ACSM3: variants seen among roughly 807,000 people sequenced by gnomAD.
The protein encoded by ACSM3 is acyl-coenzyme A synthetase ACSM3, mitochondrial.
ACSM3 carries 61 observed loss-of-function variants against 74.1 expected under a neutral mutation model. The ratio of observed to expected loss-of-function variants is 0.82; its 90% CI spans 0.67 to 1.02. The LOEUF is 1.02. Among genes scored for constraint, ACSM3 ranks in the 50% least tolerant of loss-of-function variants. The probability of loss-of-function intolerance (pLI) is 0.00; values close to 1 mark genes in which losing one functional copy is unlikely to be tolerated. For synonymous variants in ACSM3, 213 were observed against 241.5 expected, an observed-to-expected ratio of 0.88 and a Z score of 1.09; for missense variants, 660 against 697.0, an observed-to-expected ratio of 0.95 and a Z score of 0.60.
At chr16:20,741,753 T>A (rs1381826605) in intron 1 of ACSM3, 2 of 1,559,864 alleles carry the variant, frequency 1.3e-6, no homozygotes, top group Admixed American at 1.9e-5. Flanking sequence ...GTGCGCAAAC[T>A]GAGAGGAAAG....
chr16:20,685,847 CA>C (rs1491230287), intron 1 of ACSM3, among the ~76,000 whole-genome samples: 1 of 91,032 alleles, frequency 1.1e-5, no homozygotes, highest in African/African-American at 4.3e-5. Flanking sequence ...AAAAAAAAAA[CA>C]AAAAACTTAT....
At chr16:20,690,217 AG>A (rs1367438269) in intron 1 of ACSM3, among the ~76,000 whole-genome samples, 1 of 152,178 alleles carries the variant, frequency 6.6e-6, no homozygotes, top group Non-Finnish European at 1.5e-5. Context: ...ATTCCATCTC[AG>A]GGGGATTCTC....
At chr16:20,747,014 C>T (rs1015909084) in intron 1 of ACSM3, among the ~76,000 whole-genome samples, 1 of 152,108 alleles carries the variant, frequency 6.6e-6, no homozygotes, top group African/African-American at 2.4e-5. Flanking sequence ...TTCCTTCCCA[C>T]TCCTTTGAGA....
chr16:20,792,839 G>C (rs567147221), intron 12 of ACSM3: 83 of 482,366 alleles, frequency 1.7e-4, no homozygotes, highest in Middle Eastern at 2.1e-3. Flanking sequence ...AATAACACAG[G>C]TGTCCTGAAA....
Position 20,775,827 on chromosome 16 carries a change from T to C in ACSM3, c.220-12T>C. The C allele has an allele frequency of 6.2e-7, 1 of 1,613,824 alleles. No homozygotes were observed. The highest frequency in any genetic ancestry group is 8.5e-7 in the Non-Finnish European group (1 of 1,179,736). On this transcript the variant is annotated splice_polypyrimidine_tract_variant and intron_variant, in intron 2 of 13. Coordinates refer to ENST00000289416, the MANE Select transcript of ACSM3 (RefSeq NM_005622.4). ...CAACCTTTAAATCAATGACTGGTTTTTCTTTCCTCAGGCTGGAAAGAAACC... is the reference window on the plus strand; with the variant it reads ...CAACCTTTAAATCAATGACTGGTTTCTCTTTCCTCAGGCTGGAAAGAAACC...
intron 12 of ACSM3, 26 bp downstream of exon 12, chr16:20,792,361 T>A (rs1359537543): frequency 6.2e-7 from 1 of 1,611,906 alleles, no homozygotes; most frequent in South Asian, 1.1e-5. Flanking sequence ...CATGTCAACT[T>A]TATAATTTGT....
chr16:20,758,052 G>A (rs1254931510), intron 3 of ACSM3, among the ~76,000 whole-genome samples: 2 of 151,868 alleles, frequency 1.3e-5, no homozygotes, highest in African/African-American at 4.8e-5. Flanking sequence ...TTTTATTGAG[G>A]ATTTTTGCAT....
chr16:20,770,251 A>G lies in ACSM3; in HGVS notation c.217A>G (p.Lys73Glu). ...CCTGGACCAATGGACTGATAAGGAA[A>G]AGGTATGGGGGGAGGGCCAGTCAGA... is the stretch of plus-strand genomic sequence containing the variant. Reference protein sequence around the residue: ...DVLDQWTDKEKAGKKPSNPAF... With the variant: ...DVLDQWTDKEEAGKKPSNPAF... The change falls in exon 2 of 14, where the codon AAG (lysine) becomes GAG (glutamate). Residue 73 changes from lysine (K) to glutamate (E), a missense_variant and splice_region_variant. Lys to Glu is a moderately conservative substitution (Grantham distance 56, BLOSUM62 1). Transcript: ENST00000289416. The G allele has an allele frequency of 1.2e-6, 2 of 1,613,706 alleles. No homozygotes were observed. The highest frequency in any genetic ancestry group is 1.7e-6 in the Non-Finnish European group (2 of 1,179,604).
intron 1 of ACSM3, chr16:20,741,481 G>GGGGGGGGGGGGCCCCCCC: frequency 7.6e-6 from 10 of 1,308,408 alleles, no homozygotes; most frequent in South Asian, 1.8e-5. Context: ...CTGGCAGCCG[G>GGGGGGGGGGGGCCCCCCC]CCCGCCCGCC....
chr16:20,755,774 A>C (rs1596501296), intron 3 of ACSM3, among the ~76,000 whole-genome samples: 6 of 56,074 alleles, frequency 1.1e-4, no homozygotes, highest in South Asian at 9.7e-4. Flanking sequence ...TCCTAATGCT[A>C]TCCCTCCCCC....
At chr16:20,742,807 ATATATAT>A (rs147262944) in intron 1 of ACSM3, among the ~76,000 whole-genome samples, 28,113 of 95,526 alleles carry the variant, frequency 0.29, 3,151 homozygotes, top group Non-Finnish European at 0.37. Flanking sequence ...ATATATATAT[ATATATAT>A]TTTTTTTTTT....
chr16:20,737,068 C>T, intron 1 of ACSM3: 4 of 1,614,170 alleles, frequency 2.5e-6, no homozygotes, highest in South Asian at 1.1e-5. Context: ...GATTTGTCCG[C>T]AGATTCCAGT....
At chr16:20,728,280 GA>G in intron 1 of ACSM3, 1 of 500,232 alleles carries the variant, frequency 2.0e-6, no homozygotes, top group Non-Finnish European at 3.6e-6. Flanking sequence ...CAATAAAGCA[GA>G]AAGAACGTTT....
At chr16:20,714,779 C>T (rs949745968) in intron 1 of ACSM3, among the ~76,000 whole-genome samples, 1 of 152,060 alleles carries the variant, frequency 6.6e-6, no homozygotes, top group South Asian at 2.1e-4. Context: ...ATTCAAATGT[C>T]TAGCAGGTGG....
chr16:20,678,512 G>T (rs188118195), intron 1 of ACSM3, among the ~76,000 whole-genome samples: 4 of 152,298 alleles, frequency 2.6e-5, no homozygotes, highest in African/African-American at 9.6e-5. Context: ...CTGTGATGGG[G>T]GCTATCAGTA....
chr16:20,756,337 G>A (rs2080031297), intron 3 of ACSM3, among the ~76,000 whole-genome samples: 1 of 152,048 alleles, frequency 6.6e-6, no homozygotes, highest in Admixed American at 6.5e-5. Flanking sequence ...TAACTGGTGT[G>A]AGATGGTATC....
At chr16:20,716,495 C>T (rs1417694394) in intron 1 of ACSM3, among the ~76,000 whole-genome samples, 3 of 152,154 alleles carry the variant, frequency 2.0e-5, no homozygotes, top group Admixed American at 1.3e-4. Flanking sequence ...CCCCTTGTGG[C>T]CCCTGGAATG....
intron 9 of ACSM3, chr16:20,789,565 A>C: frequency 6.3e-7 from 1 of 1,592,694 alleles, no homozygotes; most frequent in Non-Finnish European, 8.6e-7. Flanking sequence ...CAGCTAAACA[A>C]AGTTTGAAAA....
intron 1 of ACSM3, chr16:20,685,359 G>A: frequency 6.2e-7 from 1 of 1,614,096 alleles, no homozygotes. Context: ...CATCCCCTTG[G>A]CCATTCACCC....
Sources: allele counts gnomAD v4.1 joint callset (sites outside exome capture counted in the v4.1 genomes callset), GRCh38; gene constraint gnomAD v4.1.1; transcripts MANE v1.5; gene names NCBI Gene and HGNC (gene_info 2026-07-23, HGNC 2026-07-21).